The following LIMK1 variants were observed in gnomAD, a reference collection of about 807,000 sequenced individuals.
LIMK1 encodes LIM domain kinase 1, also known as LIM motif-containing protein kinase.
LIMK1 carries 21 observed loss-of-function variants against 77.6 expected under a neutral mutation model. That is an observed-to-expected ratio of 0.27 (90% CI 0.19 to 0.39). The LOEUF (loss-of-function observed/expected upper bound fraction) is 0.39, where lower values mean the gene tolerates loss of function less well. Among genes scored for constraint, LIMK1 ranks in the 10% least tolerant of loss-of-function variants. The pLI, the probability that LIMK1 is intolerant of heterozygous loss-of-function variation, is 1.00. For missense variants in LIMK1, 696 were observed against 901.6 expected, an observed-to-expected ratio of 0.77 and a Z score of 2.92; for synonymous variants, 358 against 370.0, an observed-to-expected ratio of 0.97 and a Z score of 0.37.
chr7:74,109,278 C>T (rs886583209), intron 10 of LIMK1: 20 of 461,680 alleles, frequency 4.3e-5, no homozygotes, highest in African/African-American at 2.8e-4. Flanking sequence ...GAGGATCACT[C>T]GAGGCCAGGA....
intron 10 of LIMK1, chr7:74,109,964 T>A (rs528240799): frequency 7.9e-5 from 12 of 152,254 alleles, no homozygotes; most frequent in African/African-American, 2.9e-4. Flanking sequence ...CTTCCTCAGG[T>A]TGGATTACCT....
intron 12 of LIMK1, among the ~76,000 whole-genome samples, chr7:74,114,942 G>A (rs1295876770): frequency 6.6e-6 from 1 of 151,670 alleles, no homozygotes; most frequent in African/African-American, 2.4e-5. Flanking sequence ...GATAAAATTG[G>A]GCCAGGTATG....
intron 12 of LIMK1, 61 bp downstream of exon 12, chr7:74,112,059 A>T: frequency 7.5e-7 from 1 of 1,335,976 alleles, no homozygotes. Flanking sequence ...ATCCAACCCC[A>T]GCCTCAGGGC....
intron 13 of LIMK1, among the ~76,000 whole-genome samples, chr7:74,117,791 C>T (rs1022352857): frequency 2.0e-5 from 3 of 152,232 alleles, no homozygotes; most frequent in African/African-American, 7.2e-5. Flanking sequence ...GCCTGGGCAA[C>T]GGAGTGAGAC....
chr7:74,104,921 C>T (rs535606648), intron 5 of LIMK1, among the ~76,000 whole-genome samples: 3 of 152,262 alleles, frequency 2.0e-5, no homozygotes, highest in Non-Finnish European at 4.4e-5. Flanking sequence ...CCAAGCATAC[C>T]AGGCAGGCCA....
At chr7:74,094,576 T>G (rs1799302846) in intron 2 of LIMK1, among the ~76,000 whole-genome samples, 1 of 151,948 alleles carries the variant, frequency 6.6e-6, no homozygotes, top group Non-Finnish European at 1.5e-5. Flanking sequence ...AGGAAGCGAG[T>G]CATTGGTCTG....
Position 74,121,447 on chromosome 7 carries a change from T to C in LIMK1, c.*146T>C. 3 of 797,410 alleles carry C rather than the reference T, an allele frequency of 3.8e-6. No individual in the cohort carries two copies. Among genetic ancestry groups the C allele is most frequent in the African/African-American group, 1.7e-5 (1 of 57,580 alleles). The allele number at this position is 797,410 out of a possible 1,614,324, so 49.4% of individuals were successfully genotyped here. On this transcript the variant is annotated 3_prime_UTR_variant, in exon 16 of 16. Coordinates refer to ENST00000336180, the MANE Select transcript of LIMK1 (RefSeq NM_002314.4). ...CCCTGACTTGCCTTCTCCCACCCCG[T>C]GGACCGCTTCCCCTGCCTTCTCTCT...
chr7:74,088,204 CAGAG>C (rs1157043582), intron 2 of LIMK1, among the ~76,000 whole-genome samples: 5 of 152,184 alleles, frequency 3.3e-5, no homozygotes, highest in Admixed American at 6.5e-5. Flanking sequence ...AATTGGGACA[CAGAG>C]AGGTTAATTC....
At chr7:74,113,517 C>T (rs567050514) in intron 12 of LIMK1, among the ~76,000 whole-genome samples, 8 of 151,052 alleles carry the variant, frequency 5.3e-5, no homozygotes, top group Admixed American at 1.3e-4. Flanking sequence ...CCCAGCTACT[C>T]GGGAGGCTGA....
At chr7:74,099,317 C>A in intron 5 of LIMK1, 79 bp downstream of exon 5, 1 of 1,401,896 alleles carries the variant, frequency 7.1e-7, no homozygotes, top group South Asian at 1.2e-5. Flanking sequence ...GCACTGGGGG[C>A]CCTGAAAATG....
chr7:74,116,056 C>T (rs1799801746), intron 13 of LIMK1, 98 bp downstream of exon 13: 1 of 1,308,526 alleles, frequency 7.6e-7, no homozygotes, highest in Non-Finnish European at 1.1e-6. Flanking sequence ...CTCCCAGCCT[C>T]CTTGGCTCTT....
chr7:74,093,012 C>T lies in LIMK1; in HGVS notation c.153-3610C>T, dbSNP rs550721512. The T allele has an allele frequency of 3.0e-5, 25 of 834,930 alleles. No individual in the cohort carries two copies. The South Asian group carries it at 3.3e-4, about 11-fold the overall frequency. The allele number at this position is 834,930 out of a possible 1,614,324, so 51.7% of individuals were successfully genotyped here. On this transcript the variant is annotated intron_variant, in intron 2 of 15. Coordinates refer to ENST00000336180, the MANE Select transcript of LIMK1 (RefSeq NM_002314.4). ...GCCTGGGGTCCAAGCCTAGATCGCT[C>T]GCTCCCCACCCGCACCAAAGCCCAG... is the stretch of plus-strand genomic sequence containing the variant.
chr7:74,115,075 A>G (rs1799780052), intron 12 of LIMK1, among the ~76,000 whole-genome samples: 1 of 151,972 alleles, frequency 6.6e-6, no homozygotes, highest in Admixed American at 6.6e-5. Flanking sequence ...CAATCAACCT[A>G]AATAAATAGT....
intron 12 of LIMK1, among the ~76,000 whole-genome samples, chr7:74,114,992 G>T (rs1385528309): frequency 6.6e-6 from 1 of 151,880 alleles, no homozygotes; most frequent in Non-Finnish European, 1.5e-5. Context: ...GAAAGGCTGA[G>T]GCAGGTGGAC....
chr7:74,108,875 C>G, intron 9 of LIMK1, 30 bp from the exon 10 acceptor site: 2 of 1,607,358 alleles, frequency 1.2e-6, no homozygotes, highest in South Asian at 2.2e-5. Flanking sequence ...CCACACAGAG[C>G]CCGGGCCCAG....
At position 74,118,237 on chromosome 7, in the gene LIMK1, C is replaced by T. The variant is rs544401336; in HGVS notation, c.1567+2279C>T. ...TAAAAATACAAAAAAATTAGCTGGG[C>T]GTGGTTGCACGCGTCTGTAGTCCCA... On this transcript the variant is annotated intron_variant, in intron 13 of 15. Transcript: ENST00000336180. Among the ~76,000 whole-genome samples, 7 of 150,532 alleles carry T rather than the reference C, an allele frequency of 4.7e-5. No homozygotes were observed. The East Asian group carries it at 8.0e-4, about 17-fold the overall frequency.
At chr7:74,084,124 C>G in intron 1 of LIMK1, 79 bp downstream of exon 1, 1 of 769,208 alleles carries the variant, frequency 1.3e-6, no homozygotes, top group Non-Finnish European at 2.0e-6. Context: ...GGGGCCGGGT[C>G]TGCCAGGAGG....
At chr7:74,099,831 G>A (rs1303198514) in intron 5 of LIMK1, among the ~76,000 whole-genome samples, 1 of 151,838 alleles carries the variant, frequency 6.6e-6, no homozygotes, top group Non-Finnish European at 1.5e-5. Context: ...TCAAGAATGA[G>A]TGAAGAAGCT....
intron 5 of LIMK1, among the ~76,000 whole-genome samples, chr7:74,100,377 A>G (rs1490354632): frequency 6.6e-6 from 1 of 152,092 alleles, no homozygotes; most frequent in Non-Finnish European, 1.5e-5. Flanking sequence ...TGGCGCCTTT[A>G]TTGACACCTT....
Sources: gnomAD v4.1 joint callset for allele counts (sites outside exome capture counted in the v4.1 genomes callset) on GRCh38, gnomAD v4.1.1 for gene constraint, MANE v1.5 for transcripts, NCBI Gene and HGNC (gene_info 2026-07-23, HGNC 2026-07-21) for gene names.